Variants in GOSR2 observed in about 807,000 individuals in gnomAD.
GOSR2 encodes 27 kDa Golgi SNARE protein.
A neutral mutation model predicts 27.9 loss-of-function variants in GOSR2; 20 were observed. The ratio of observed to expected loss-of-function variants is 0.72; its 90% confidence interval spans 0.50 to 1.04. GOSR2 has a LOEUF of 1.04. Among genes scored for constraint, GOSR2 ranks in the 50% least tolerant of loss-of-function variants. GOSR2 has a pLI of 0.00. For missense variants in GOSR2, 261 were observed against 270.5 expected (o/e 0.97, Z 0.25); for synonymous variants, 91 against 98.8 (o/e 0.92, Z 0.47).
chr17:46,935,338 G>C, intron 5 of GOSR2, 169 bp downstream of exon 5: 1 of 1,479,474 alleles, frequency 6.8e-7, no homozygotes, highest in Non-Finnish European at 8.9e-7. Flanking sequence ...GTTATTGTGA[G>C]CCTGAAAGTA....
intron 6 of GOSR2, among the ~76,000 whole-genome samples, chr17:46,947,942 G>A (rs571054994): frequency 7.2e-5 from 11 of 152,178 alleles, no homozygotes; most frequent in Non-Finnish European, 1.5e-4. Flanking sequence ...CTAATTTTTC[G>A]TGTTTTTACT....
chr17:46,929,397 T>C, intron 1 of GOSR2, 123 bp from the exon 2 acceptor site: 1 of 710,232 alleles, frequency 1.4e-6, no homozygotes, highest in Admixed American at 2.0e-5. Context: ...ATACAAATTT[T>C]ACAGTTCAGT....
At chr17:46,935,245 A>G (rs774693763) in intron 5 of GOSR2, 76 bp downstream of exon 5, 2 of 1,610,040 alleles carry the variant, frequency 1.2e-6, no homozygotes, top group Non-Finnish European at 1.7e-6. Context: ...CTGTGTTTAT[A>G]TTTTGATTAC....
chr17:46,971,578 C>A (rs752510403), downstream of GOSR2, among the ~76,000 whole-genome samples: 3 of 152,146 alleles, frequency 2.0e-5, no homozygotes, highest in Non-Finnish European at 2.9e-5. Context: ...CATGTATGTA[C>A]ATGTAGGAGC....
At chr17:46,931,545 G>A (rs560408930) in intron 3 of GOSR2, 30 of 374,654 alleles carry the variant, frequency 8.0e-5, no homozygotes, top group African/African-American at 5.3e-4. Flanking sequence ...TTCCTGCTGG[G>A]TTCTTCTTGG....
At chr17:46,949,484 G>C (rs866761482) in intron 6 of GOSR2, 2 of 152,198 alleles carry the variant, frequency 1.3e-5, no homozygotes, top group South Asian at 2.1e-4. Context: ...GCCCCCAGCT[G>C]CCTCTCAGTG....
intron 1 of GOSR2, 49 bp downstream of exon 1, chr17:46,923,270 G>T (rs1348483927): frequency 3.2e-6 from 5 of 1,550,510 alleles, no homozygotes; most frequent in Non-Finnish European, 4.4e-6. Context: ...GCGAGGCCAG[G>T]TGAGCCTGGC....
intron 6 of GOSR2, among the ~76,000 whole-genome samples, chr17:46,974,785 C>G (rs1411494639): frequency 1.3e-5 from 2 of 151,818 alleles, no homozygotes; most frequent in Non-Finnish European, 2.9e-5. Context: ...AATCCCAGCT[C>G]TGCCCCTTTC....
rs1219601829 is a variant in GOSR2, at chr17:46,950,749, T to C, written c.583+12045T>C. Among the ~76,000 whole-genome samples, 8 of 152,024 alleles carry C rather than the reference T, an allele frequency of 5.3e-5. No homozygotes were observed. The East Asian group carries it at 1.4e-3, about 26-fold the overall frequency. ...TCTGTGTGGGGGCACTCTTCTGTGG[T>C]GGGGTAGTTCAGTGGGCTGAGACAT... On this transcript the variant is annotated intron_variant, in intron 6 of 6. Transcript: ENST00000573224.
chr17:46,935,132 T>G lies in GOSR2; in HGVS notation c.440T>G (p.Ile147Ser). The G allele has an allele frequency of 6.2e-7, 1 of 1,614,074 alleles. No individual in the cohort carries two copies. The highest frequency in any genetic ancestry group is 1.3e-5 in the African/African-American group (1 of 75,052). The change falls in exon 5 of 6, where the codon ATT (isoleucine) becomes AGT (serine). Residue 147 changes from isoleucine to serine, a missense_variant. Ile to Ser is a moderately radical substitution (Grantham distance 142, BLOSUM62 -2). Transcript: ENST00000640051. Reference protein sequence around the residue: ...MDDLILDGHNILDGLRTQRLT... With the variant: ...MDDLILDGHNSLDGLRTQRLT... ...GACCTCATTTTAGATGGGCACAATA[T>G]TTTAGATGGACTGAGGACCCAGAGA...
downstream of GOSR2, among the ~76,000 whole-genome samples, chr17:46,945,953 C>G (rs1328886681): frequency 6.6e-6 from 1 of 152,146 alleles, no homozygotes; most frequent in Admixed American, 6.5e-5. Context: ...TGATTTCTTC[C>G]AGGAAACCAT....
chr17:46,936,765 T>G (rs991050233), intron 5 of GOSR2: 2 of 983,342 alleles, frequency 2.0e-6, no homozygotes, highest in African/African-American at 3.5e-5. Context: ...TCTGATTGTA[T>G]TGTCACTATC....
intron 6 of GOSR2, among the ~76,000 whole-genome samples, chr17:46,962,606 A>G (rs1035261335): frequency 1.3e-5 from 2 of 152,234 alleles, no homozygotes; most frequent in Admixed American, 1.3e-4. Context: ...TGGAGAAGCC[A>G]CATGGAGGAA....
In GOSR2 at chr17:46,940,632, C is replaced by T. The variant is rs1297364152; in HGVS notation, c.*1872C>T. ...CAGCTGAGCCATTTGTTCTTGAACT[C>T]TGGGAGGCAGAAGTCCCCGCACCCA... On this transcript the variant is annotated 3_prime_UTR_variant, in exon 6 of 6. Coordinates refer to ENST00000640051, the MANE Select transcript of GOSR2 (RefSeq NM_004287.5). 1.9e-6 allele frequency: 3 copies of T among 1,613,936 alleles called. No homozygotes were observed. Among genetic ancestry groups the T allele is most frequent in the Admixed American group, 3.3e-5 (2 of 60,006 alleles).
At chr17:46,956,109 A>G (rs1362404066) in intron 6 of GOSR2, among the ~76,000 whole-genome samples, 2 of 152,128 alleles carry the variant, frequency 1.3e-5, no homozygotes, top group Admixed American at 6.6e-5. Context: ...AGCAGTTAGC[A>G]GGAGGGTCCA....
In GOSR2 at chr17:46,923,169, G is replaced by C. The variant is rs1431192015; in HGVS notation, c.-24G>C. ...GTGTTCCGAGGAAGCCAGAGCCGGAGCCGTGGCCTGCGGGGCCGGCGACAT... is the reference window on the plus strand; with the variant it reads ...GTGTTCCGAGGAAGCCAGAGCCGGACCCGTGGCCTGCGGGGCCGGCGACAT... On this transcript the variant is annotated 5_prime_UTR_variant, in exon 1 of 6. Transcript: ENST00000640051. 7 of 1,482,558 alleles carry C rather than the reference G, an allele frequency of 4.7e-6. No homozygotes were observed. The South Asian group carries it at 6.0e-5, about 13-fold the overall frequency. 91.8% of individuals were successfully genotyped at this position (1,482,558 alleles called of 1,614,324 possible).
Position 46,966,532 on chromosome 17 carries a change from A to G in GOSR2, c.584-2A>G, listed in dbSNP as rs1194330227. ...CCGATTAATTTTTTGTATTTTTTGCAGAGACAAGGTCTCACCATGTTGCCC... is the reference window on the plus strand; with the variant it reads ...CCGATTAATTTTTTGTATTTTTTGCGGAGACAAGGTCTCACCATGTTGCCC... On this transcript the variant is annotated splice_acceptor_variant, in intron 6 of 6. Coordinates refer to the GOSR2 transcript ENST00000573224. LOFTEE classifies it high-confidence loss of function. 1 of 690,170 alleles carries G rather than the reference A, an allele frequency of 1.4e-6. No individual in the cohort carries two copies. The highest frequency in any genetic ancestry group is 1.5e-5 in the South Asian group (1 of 65,534). 42.8% of individuals were successfully genotyped at this position (690,170 alleles called of 1,614,324 possible). A position where few individuals can be genotyped will look rare whatever the true frequency, so the allele number is the denominator to read the frequency against.
chr17:46,938,612 A>T lies in GOSR2; in HGVS notation c.491A>T (p.Lys164Met). The T allele has an allele frequency of 6.2e-7, 1 of 1,613,994 alleles. No homozygotes were observed. Residue 164 changes from lysine (K) to methionine (M), a missense_variant, in exon 6 of 6, where the codon AAG becomes ATG. Transcript: ENST00000640051. ...QRLTLKGTQKKILDIANMLGL... is the reference protein window; with the variant it reads ...QRLTLKGTQKMILDIANMLGL... ...CTTCTGCCCCAGGGGACTCAGAAGA[A>T]GATCCTTGACATTGCCAACATGCTG...
exon 7 of GOSR2, chr17:46,966,801 C>T (rs1224584197): frequency 4.7e-6 from 2 of 424,466 alleles, no homozygotes; most frequent in South Asian, 8.4e-5. Context: ...TTGATGTGGC[C>T]GATGAGAAAA....
Sources: allele counts gnomAD v4.1 joint callset (sites outside exome capture counted in the v4.1 genomes callset), GRCh38; gene constraint gnomAD v4.1.1; transcripts MANE v1.5; gene names NCBI Gene and HGNC (gene_info 2026-07-23, HGNC 2026-07-21).